Variants in GRM8 observed in about 807,000 individuals in gnomAD.
GRM8 encodes the protein glutamate metabotropic receptor 8, also known as metabotropic glutamate receptor 8.
Under a neutral mutation model 87.2 loss-of-function variants are expected in GRM8, and 47 were observed. The ratio of observed to expected loss-of-function variants is 0.54; its 90% confidence interval spans 0.43 to 0.69. GRM8 has a LOEUF of 0.69. Among genes scored for constraint, GRM8 ranks in the 30% least tolerant of loss-of-function variants. The probability of loss-of-function intolerance (pLI) is 0.00; values close to 1 mark genes in which losing one functional copy is unlikely to be tolerated. For missense variants in GRM8, 1,019 were observed against 1,139.2 expected (o/e 0.89, Z 1.52); for synonymous variants, 396 against 404.5 (o/e 0.98, Z 0.25).
intron 6 of GRM8, among the ~76,000 whole-genome samples, chr7:126,827,191 T>C (rs367869621): frequency 6.6e-6 from 1 of 152,108 alleles, no homozygotes; most frequent in Non-Finnish European, 1.5e-5. Context: ...ATTGACTTGG[T>C]GATGTGGGCT....
chr7:126,448,662 T>A (rs1200561009), intron 9 of GRM8, among the ~76,000 whole-genome samples: 1 of 151,950 alleles, frequency 6.6e-6, no homozygotes, highest in Non-Finnish European at 1.5e-5. Context: ...ACGCTATACT[T>A]TCAAATTATA....
chr7:126,852,929 T>C (rs1563250582), intron 6 of GRM8, among the ~76,000 whole-genome samples: 1 of 152,196 alleles, frequency 6.6e-6, no homozygotes, highest in Non-Finnish European at 1.5e-5. Context: ...AGATTAACAT[T>C]TTTAATTTAG....
intron 2 of GRM8, chr7:127,112,042 A>C (rs1171612033): frequency 3.3e-5 from 5 of 151,986 alleles, no homozygotes; most frequent in African/African-American, 1.2e-4. Context: ...AAAAACACAA[A>C]ATAGATCTTA....
chr7:127,045,987 C>T (rs888329497), intron 3 of GRM8, among the ~76,000 whole-genome samples: 4 of 152,190 alleles, frequency 2.6e-5, no homozygotes, highest in Non-Finnish European at 5.9e-5. Flanking sequence ...TGTGACTAGA[C>T]AGCTTTTCAA....
intron 2 of GRM8, among the ~76,000 whole-genome samples, chr7:127,154,671 C>A (rs1006419164): frequency 2.0e-5 from 3 of 152,074 alleles, no homozygotes; most frequent in Admixed American, 1.3e-4. Flanking sequence ...ACCTTGCAGA[C>A]AAATGGCATT....
intron 10 of GRM8, among the ~76,000 whole-genome samples, chr7:126,442,148 G>T (rs561413018): frequency 6.6e-6 from 1 of 151,960 alleles, no homozygotes; most frequent in Non-Finnish European, 1.5e-5. Context: ...TATAGAACCA[G>T]CCTCCCTCCC....
intron 3 of GRM8, among the ~76,000 whole-genome samples, chr7:126,967,757 T>C (rs1031332851): frequency 3.3e-5 from 5 of 152,176 alleles, no homozygotes; most frequent in Non-Finnish European, 2.9e-5. Flanking sequence ...TTTAATCCAA[T>C]TCATCAAATC....
intron 9 of GRM8, among the ~76,000 whole-genome samples, chr7:126,520,613 A>T (rs1025843526): frequency 2.6e-5 from 4 of 152,134 alleles, no homozygotes; most frequent in Non-Finnish European, 5.9e-5. Context: ...AAAGAAACAA[A>T]AAGATTCAAA....
chr7:127,135,143 TC>T (rs1827878603), intron 2 of GRM8, among the ~76,000 whole-genome samples: 2 of 152,176 alleles, frequency 1.3e-5, no homozygotes, highest in Non-Finnish European at 2.9e-5. Flanking sequence ...GGTTTATGTT[TC>T]TATCATCCAT....
At chr7:127,148,685 T>C (rs766503314) in intron 2 of GRM8, among the ~76,000 whole-genome samples, 51 of 152,024 alleles carry the variant, frequency 3.4e-4, no homozygotes, top group Non-Finnish European at 6.0e-4. Context: ...TCTTGGAAAA[T>C]TCACTAATAT....
chr7:126,769,586 G>A (rs192776802), intron 7 of GRM8, among the ~76,000 whole-genome samples: 96 of 152,136 alleles, frequency 6.3e-4, no homozygotes, highest in African/African-American at 2.2e-3. Flanking sequence ...TTTCAAATAA[G>A]CCTTCTAAGT....
intron 7 of GRM8, among the ~76,000 whole-genome samples, chr7:126,768,776 T>C (rs992319003): frequency 1.3e-5 from 2 of 152,070 alleles, no homozygotes; most frequent in African/African-American, 2.4e-5. Flanking sequence ...AATTTCATAA[T>C]TGCATAAAAA....
At chr7:126,534,209 G>T (rs2041168) in intron 8 of GRM8, among the ~76,000 whole-genome samples, 127,077 of 152,148 alleles carry the variant, frequency 0.84, 53,346 homozygotes, top group African/African-American at 0.92. Context: ...AAAAAAATAA[G>T]AAGAAGCCCC....
rs772717214 is a variant in GRM8, at chr7:126,533,223, T to TG, written c.2158dup (p.His720ProfsTer5). 8 of 1,612,830 alleles carry TG rather than the reference T, an allele frequency of 5.0e-6. No individual in the cohort carries two copies. Among genetic ancestry groups the TG allele is most frequent in the South Asian group, 1.1e-5 (1 of 90,968 alleles). On this transcript the variant is annotated frameshift_variant, in exon 9 of 11. Coordinates refer to ENST00000339582, the MANE Select transcript of GRM8 (RefSeq NM_000845.3). LOFTEE classifies it high-confidence loss of function. The stretch of plus-strand genomic sequence containing the variant: ...CTGCTCTCCATAGTCAATGATGATG[T>TG]GGGGGGGATCCACAACAAACCAGAC...
At chr7:126,767,974 A>G (rs1818380363) in intron 7 of GRM8, among the ~76,000 whole-genome samples, 1 of 152,064 alleles carries the variant, frequency 6.6e-6, no homozygotes. Context: ...GCACAGTTCT[A>G]TTATGCTCCA....
intron 2 of GRM8, among the ~76,000 whole-genome samples, chr7:127,113,269 T>C (rs956847972): frequency 6.6e-6 from 1 of 152,098 alleles, no homozygotes; most frequent in Non-Finnish European, 1.5e-5. Context: ...ACTGGTTTGC[T>C]AAATATCCCA....
At chr7:127,178,778 C>A (rs1231267845) in intron 2 of GRM8, among the ~76,000 whole-genome samples, 1 of 152,118 alleles carries the variant, frequency 6.6e-6, no homozygotes, top group African/African-American at 2.4e-5. Context: ...TGTTTTCAGA[C>A]AAACAAATGC....
At chr7:126,489,112 ATAGACT>A (rs2150630767) in intron 9 of GRM8, among the ~76,000 whole-genome samples, 1 of 152,194 alleles carries the variant, frequency 6.6e-6, no homozygotes, top group African/African-American at 2.4e-5. Context: ...TCCACATAGT[ATAGACT>A]TAAAGAAGCA....
At chr7:126,753,435 CA>C (rs1232289732) in intron 7 of GRM8, among the ~76,000 whole-genome samples, 1 of 151,622 alleles carries the variant, frequency 6.6e-6, no homozygotes, top group Admixed American at 6.6e-5. Flanking sequence ...TATATATACA[CA>C]CACATATATA....
Sources: gnomAD v4.1 joint callset for allele counts (sites outside exome capture counted in the v4.1 genomes callset) on GRCh38, gnomAD v4.1.1 for gene constraint, MANE v1.5 for transcripts, NCBI Gene and HGNC (gene_info 2026-07-23, HGNC 2026-07-21) for gene names.